Variants in SCFD1 observed in about 807,000 individuals in gnomAD.
The protein encoded by SCFD1 is sec1 family domain containing 1, also known as sec1 family domain-containing protein 1.
Under a neutral mutation model 103.2 loss-of-function variants are expected in SCFD1, and 37 were observed. The observed-to-expected ratio is 0.36, with a 90% CI of 0.28 to 0.47. The LOEUF (loss-of-function observed/expected upper bound fraction) is 0.47. Ranked by LOEUF, SCFD1 falls within the 20% of genes least tolerant of loss-of-function variation. The probability of loss-of-function intolerance (pLI) is 1.00; values close to 1 mark genes in which losing one functional copy is unlikely to be tolerated. For synonymous variants in SCFD1, 264 were observed against 245.0 expected, an observed-to-expected ratio of 1.08 and a Z score of -0.73; for missense variants, 639 against 761.2, an observed-to-expected ratio of 0.84 and a Z score of 1.89.
chr14:30,627,745 G>GAAAAAAAAAA (rs11312585), intron 1 of SCFD1, among the ~76,000 whole-genome samples: 1 of 79,474 alleles, frequency 1.3e-5, no homozygotes, highest in Non-Finnish European at 2.6e-5. Context: ...CTCTGTCTCA[G>GAAAAAAAAAA]AAAAAAAAAA....
intron 15 of SCFD1, among the ~76,000 whole-genome samples, chr14:30,699,120 A>C (rs1890900485): frequency 6.6e-6 from 1 of 152,226 alleles, no homozygotes; most frequent in Admixed American, 6.5e-5. Context: ...GGAGTCTCAT[A>C]ACCTAATATT....
intron 7 of SCFD1, among the ~76,000 whole-genome samples, chr14:30,647,176 C>T (rs1317209852): frequency 1.3e-5 from 2 of 151,974 alleles, no homozygotes; most frequent in Non-Finnish European, 2.9e-5. Context: ...AGTTTAAAAG[C>T]CTAATTGCAA....
intron 20 of SCFD1, among the ~76,000 whole-genome samples, chr14:30,717,412 G>A (rs1892353145): frequency 6.6e-6 from 1 of 152,100 alleles, no homozygotes; most frequent in Non-Finnish European, 1.5e-5. Context: ...AGGAGGTTGA[G>A]GCTACATTGA....
chr14:30,703,959 ATATAAAT>A (rs1566646030), intron 17 of SCFD1, among the ~76,000 whole-genome samples: 41 of 49,622 alleles, frequency 8.3e-4, no homozygotes, highest in African/African-American at 4.8e-3. Flanking sequence ...ATATATATAT[ATATAAAT>A]AATGAGATAT....
At chr14:30,634,854 G>T (rs1306376146) in intron 4 of SCFD1, 1 of 456,004 alleles carries the variant, frequency 2.2e-6, no homozygotes, top group Non-Finnish European at 4.4e-6. Flanking sequence ...AGCCCTGACT[G>T]TTGATTTTGA....
intron 10 of SCFD1, chr14:30,654,055 T>C (rs969241041): frequency 6.6e-6 from 1 of 152,586 alleles, no homozygotes; most frequent in African/African-American, 2.4e-5. Flanking sequence ...ATTTTATGCT[T>C]ATAGCAAAAA....
At chr14:30,703,294 G>A (rs1312366458) in intron 17 of SCFD1, among the ~76,000 whole-genome samples, 1 of 148,574 alleles carries the variant, frequency 6.7e-6, no homozygotes, top group East Asian at 2.0e-4. Flanking sequence ...TTGCTTAGGA[G>A]ATCAGGGAAA....
At chr14:30,647,291 A>C (rs1885934401) in intron 7 of SCFD1, among the ~76,000 whole-genome samples, 1 of 152,190 alleles carries the variant, frequency 6.6e-6, no homozygotes, top group African/African-American at 2.4e-5. Context: ...GTATAGTCTT[A>C]AGATTTAGAC....
At chr14:30,704,746 A>G (rs1409961032) in intron 17 of SCFD1, among the ~76,000 whole-genome samples, 2 of 152,110 alleles carry the variant, frequency 1.3e-5, no homozygotes. Flanking sequence ...TTTCCCAGTT[A>G]CAAAGCATTT....
At chr14:30,655,319 C>T (rs1886795986) in intron 10 of SCFD1, among the ~76,000 whole-genome samples, 1 of 152,004 alleles carries the variant, frequency 6.6e-6, no homozygotes, top group South Asian at 2.1e-4. Context: ...GCAGGGCAGC[C>T]AGATGGCTAC....
At chr14:30,670,474 A>G (rs898720034) in intron 11 of SCFD1, 79 bp downstream of exon 11, 7 of 1,042,096 alleles carry the variant, frequency 6.7e-6, no homozygotes, top group East Asian at 5.7e-5. Flanking sequence ...TGAATTTGAG[A>G]AAAAAAAGGG....
chr14:30,627,870 A>AG, intron 1 of SCFD1, among the ~76,000 whole-genome samples: 1 of 151,912 alleles, frequency 6.6e-6, no homozygotes, highest in East Asian at 1.9e-4. Context: ...AAAAAAAAAA[A>AG]AAAAGACTTA....
intron 2 of SCFD1, 113 bp downstream of exon 2, chr14:30,628,392 A>G (rs1350353091): frequency 9.2e-6 from 6 of 651,348 alleles, no homozygotes; most frequent in African/African-American, 3.7e-5. Flanking sequence ...GTTATCATGA[A>G]TGTTTTATCC....
intron 19 of SCFD1, among the ~76,000 whole-genome samples, chr14:30,713,676 A>AT (rs1416013531): frequency 6.6e-6 from 1 of 152,176 alleles, no homozygotes; most frequent in East Asian, 1.9e-4. Context: ...ATGGTTTATC[A>AT]TTATATATAA....
chr14:30,720,540 A>C (rs902466430), intron 21 of SCFD1, among the ~76,000 whole-genome samples: 1 of 152,176 alleles, frequency 6.6e-6, no homozygotes, highest in East Asian at 1.9e-4. Flanking sequence ...GGGTTCAACC[A>C]ATCAGGGTTC....
chr14:30,720,562 G>A (rs1594761944), intron 21 of SCFD1, among the ~76,000 whole-genome samples: 2 of 151,602 alleles, frequency 1.3e-5, no homozygotes, highest in Admixed American at 1.3e-4. Flanking sequence ...AAAATATTTG[G>A]GGGGAAAAAC....
At chr14:30,691,903 A>G (rs1296508013) in intron 14 of SCFD1, among the ~76,000 whole-genome samples, 2 of 151,870 alleles carry the variant, frequency 1.3e-5, no homozygotes, top group Non-Finnish European at 2.9e-5. Context: ...TAGTTCCAGA[A>G]ATTAGAATCT....
At chr14:30,660,844 A>G (rs230348) in intron 10 of SCFD1, among the ~76,000 whole-genome samples, 1,667 of 152,224 alleles carry the variant, frequency 0.011, 27 homozygotes, top group African/African-American at 0.038. Context: ...GTTGGCCTTG[A>G]TAGCTTCTTG....
chr14:30,657,677 A>T (rs1374382669), intron 10 of SCFD1, among the ~76,000 whole-genome samples: 1 of 152,218 alleles, frequency 6.6e-6, no homozygotes, highest in Non-Finnish European at 1.5e-5. Flanking sequence ...CATAAATTAT[A>T]ATCACAAAAA....
Sources: gnomAD v4.1 joint callset for allele counts (sites outside exome capture counted in the v4.1 genomes callset) on GRCh38, gnomAD v4.1.1 for gene constraint, MANE v1.5 for transcripts, NCBI Gene and HGNC (gene_info 2026-07-23, HGNC 2026-07-21) for gene names.